Variants in CPA6 observed in about 807,000 individuals in gnomAD.
CPA6 encodes carboxypeptidase A6.
Under a neutral mutation model 63.3 loss-of-function variants are expected in CPA6, and 58 were observed. The ratio of observed to expected loss-of-function variants is 0.92; its 90% CI spans 0.74 to 1.14. The LOEUF is 1.14. Ranked by LOEUF, CPA6 falls within the 50% of genes most tolerant of loss-of-function variation. CPA6 has a pLI of 0.00. For missense variants in CPA6, 565 were observed against 526.6 expected, an observed-to-expected ratio of 1.07 and a Z score of -0.71; for synonymous variants, 185 against 179.0, an observed-to-expected ratio of 1.03 and a Z score of -0.27.
At chr8:67,642,422 T>G (rs1401221013) in intron 1 of CPA6, among the ~76,000 whole-genome samples, 2 of 152,274 alleles carry the variant, frequency 1.3e-5, no homozygotes, top group East Asian at 3.9e-4. Context: ...TCAGTTACCC[T>G]CAAATTTATC....
At chr8:67,710,503 G>A (rs959049455) in intron 1 of CPA6, among the ~76,000 whole-genome samples, 1 of 140,126 alleles carries the variant, frequency 7.1e-6, no homozygotes, top group East Asian at 2.2e-4. Context: ...ATTTTTTTCT[G>A]TCTGCTATCT....
intron 1 of CPA6, among the ~76,000 whole-genome samples, chr8:67,647,542 C>G (rs901435003): frequency 3.9e-5 from 6 of 152,038 alleles, no homozygotes; most frequent in African/African-American, 1.2e-4. Flanking sequence ...CCACAAAATA[C>G]GATGCTTTGA....
At chr8:67,542,358 C>G (rs17429582) in intron 2 of CPA6, among the ~76,000 whole-genome samples, 4,274 of 152,248 alleles carry the variant, frequency 0.028, 85 homozygotes, top group Non-Finnish European at 0.042. Context: ...CTCTTAGTAG[C>G]GCTAAACCAG....
chr8:67,443,991 G>GTTT lies in CPA6; in HGVS notation c.839-9754_839-9752dup, dbSNP rs773274256. The stretch of plus-strand genomic sequence containing the variant: ...GGCTTGGCCAACTTAGACATCCGTA[G>GTTT]TTTTTTTTTTTTTTTTCTGAGACGG... On this transcript the variant is annotated intron_variant, in intron 8 of 10. Transcript: ENST00000297770. Among the ~76,000 whole-genome samples the GTTT allele has an allele frequency of 1.8e-4, 25 of 142,026 alleles. 1 individual carries two copies. Among genetic ancestry groups the GTTT allele is most frequent in the Non-Finnish European group, 2.0e-4 (13 of 64,978 alleles). 93.2% of individuals were successfully genotyped at this position (142,026 alleles called of 152,430 possible). A position where few individuals can be genotyped will look rare whatever the true frequency, so the allele number is the denominator to read the frequency against.
intron 1 of CPA6, among the ~76,000 whole-genome samples, chr8:67,742,248 T>A (rs558562741): frequency 1.7e-4 from 26 of 152,314 alleles, no homozygotes; most frequent in African/African-American, 5.8e-4. Flanking sequence ...TGACTCATCA[T>A]CACCCTAGAG....
At chr8:67,624,380 G>GT (rs1361947655) in intron 1 of CPA6, 129 bp from the exon 2 acceptor site, 1 of 528,186 alleles carries the variant, frequency 1.9e-6, no homozygotes. Flanking sequence ...CACTGGCCCA[G>GT]TAAGTATTTT....
chr8:67,513,498 G>GA lies in CPA6; in HGVS notation c.318-1844dup, dbSNP rs202085313. 2.5e-3 allele frequency among the ~76,000 whole-genome samples: 383 copies of GA among 150,390 alleles called. 2 individuals are homozygous for GA. Among genetic ancestry groups the GA allele is most frequent in the South Asian group, 8.0e-3 (38 of 4,740 alleles). On this transcript the variant is annotated intron_variant, in intron 3 of 10. Transcript: ENST00000297770. The stretch of plus-strand genomic sequence containing the variant: ...CTTTTTTCGATCCCCAGAAACTAAG[G>GA]AAAAAAAAATGTAGACAGATTTGCC...
intron 1 of CPA6, among the ~76,000 whole-genome samples, chr8:67,648,258 GTTTTTTT>G (rs4009129): frequency 5.3e-5 from 6 of 113,894 alleles, no homozygotes; most frequent in Non-Finnish European, 8.8e-5. Flanking sequence ...CCTAGATTAG[GTTTTTTT>G]TTTTTTTTTT....
intron 1 of CPA6, among the ~76,000 whole-genome samples, chr8:67,743,143 A>T (rs547357036): frequency 6.6e-6 from 1 of 152,314 alleles, no homozygotes; most frequent in African/African-American, 2.4e-5. Context: ...GAAGCCCTTG[A>T]CATAAAGTAC....
intron 2 of CPA6, among the ~76,000 whole-genome samples, chr8:67,613,667 G>A (rs1814867110): frequency 6.6e-6 from 1 of 152,212 alleles, no homozygotes; most frequent in Non-Finnish European, 1.5e-5. Context: ...ATATGGACAG[G>A]AGACCGGGAA....
intron 2 of CPA6, among the ~76,000 whole-genome samples, chr8:67,587,590 T>C (rs1009936667): frequency 3.9e-5 from 6 of 152,072 alleles, no homozygotes; most frequent in African/African-American, 1.2e-4. Context: ...ATGGTTAGTG[T>C]GTTGGTCAGC....
intron 1 of CPA6, among the ~76,000 whole-genome samples, chr8:67,653,244 G>A (rs1815891760): frequency 6.6e-6 from 1 of 152,024 alleles, no homozygotes; most frequent in South Asian, 2.1e-4. Context: ...GGTTCCATAT[G>A]AACTTTAAAG....
intron 2 of CPA6, among the ~76,000 whole-genome samples, chr8:67,619,850 C>T (rs1278110624): frequency 6.6e-6 from 1 of 152,190 alleles, no homozygotes; most frequent in Non-Finnish European, 1.5e-5. Flanking sequence ...AGACCCTAAC[C>T]CAACCTCCTT....
intron 2 of CPA6, among the ~76,000 whole-genome samples, chr8:67,525,786 A>G (rs1812349561): frequency 6.6e-6 from 1 of 152,230 alleles, no homozygotes; most frequent in Non-Finnish European, 1.5e-5. Flanking sequence ...AAAGTTAAAT[A>G]TTGCATGTTC....
At chr8:67,538,066 C>A (rs141143342) in intron 2 of CPA6, among the ~76,000 whole-genome samples, 2,112 of 152,252 alleles carry the variant, frequency 0.014, 48 homozygotes, top group African/African-American at 0.049. Flanking sequence ...GTTATGATTT[C>A]TGTTCTTTTG....
chr8:67,731,004 T>C (rs1156606139), intron 1 of CPA6, among the ~76,000 whole-genome samples: 1 of 152,228 alleles, frequency 6.6e-6, no homozygotes, highest in African/African-American at 2.4e-5. Flanking sequence ...ATTACAGAAA[T>C]GAGACTGGGT....
intron 2 of CPA6, among the ~76,000 whole-genome samples, chr8:67,555,583 A>C (rs902818877): frequency 1.3e-5 from 2 of 152,198 alleles, no homozygotes; most frequent in Non-Finnish European, 2.9e-5. Context: ...TCTAGGAGTC[A>C]TTCTAGCAAA....
intron 2 of CPA6, among the ~76,000 whole-genome samples, chr8:67,603,403 T>C (rs897955245): frequency 6.6e-6 from 1 of 152,202 alleles, no homozygotes; most frequent in South Asian, 2.1e-4. Context: ...ACATTTATTA[T>C]ATAAAGAGAT....
At chr8:67,589,626 T>C (rs1283311132) in intron 2 of CPA6, among the ~76,000 whole-genome samples, 1 of 152,158 alleles carries the variant, frequency 6.6e-6, no homozygotes, top group Admixed American at 6.6e-5. Context: ...GAGATACTGA[T>C]AAAGAATTGT....
Sources: gnomAD v4.1 joint callset for allele counts (sites outside exome capture counted in the v4.1 genomes callset) on GRCh38, gnomAD v4.1.1 for gene constraint, MANE v1.5 for transcripts, NCBI Gene and HGNC (gene_info 2026-07-23, HGNC 2026-07-21) for gene names.